TMEM108: variants seen among roughly 807,000 people sequenced by gnomAD.
The protein encoded by TMEM108 is cancer/testis antigen 124.
Under a neutral mutation model 35.1 loss-of-function variants are expected in TMEM108, and 12 were observed. That is an observed-to-expected ratio of 0.34 (90% CI 0.22 to 0.55). TMEM108 has a LOEUF of 0.55. TMEM108 is among the 20% of genes least tolerant of loss of function. The pLI, the probability that TMEM108 is intolerant of heterozygous loss-of-function variation, is 0.89. For synonymous variants in TMEM108, 287 were observed against 308.6 expected, an observed-to-expected ratio of 0.93 and a Z score of 0.73; for missense variants, 680 against 753.3, an observed-to-expected ratio of 0.90 and a Z score of 1.14.
At chr3:133,156,115 CTA>C (rs1379296847) in intron 2 of TMEM108, among the ~76,000 whole-genome samples, 1 of 125,164 alleles carries the variant, frequency 8.0e-6, no homozygotes, top group Non-Finnish European at 1.8e-5. Flanking sequence ...TAAGGTTTTG[CTA>C]TGTTGCCCAG....
chr3:133,107,034 A>G (rs946548825), intron 2 of TMEM108, among the ~76,000 whole-genome samples: 4 of 152,218 alleles, frequency 2.6e-5, no homozygotes, highest in Non-Finnish European at 5.9e-5. Flanking sequence ...ACAGATTGTA[A>G]AAAACTTGCC....
At chr3:133,260,189 C>T (rs553043632) in intron 3 of TMEM108, among the ~76,000 whole-genome samples, 7 of 152,078 alleles carry the variant, frequency 4.6e-5, no homozygotes, top group African/African-American at 1.7e-4. Context: ...ATATTGGATA[C>T]CTACTGTGTG....
At chr3:133,395,195 T>A (rs549915201) in intron 5 of TMEM108, among the ~76,000 whole-genome samples, 41 of 152,332 alleles carry the variant, frequency 2.7e-4, no homozygotes, top group African/African-American at 8.9e-4. Context: ...CAGACTGAAA[T>A]TTTCATCTGT....
At chr3:133,312,522 G>A (rs957345524) in intron 3 of TMEM108, among the ~76,000 whole-genome samples, 1 of 152,252 alleles carries the variant, frequency 6.6e-6, no homozygotes, top group Non-Finnish European at 1.5e-5. Context: ...GGCTCTGTGG[G>A]TGTGGGACCC....
rs1273526036 is a variant in TMEM108 at position 133,358,000 on chromosome 3, G to A, written c.41-21752G>A. The stretch of plus-strand genomic sequence containing the variant: ...GCTATAGTTTCTTCAGATAACTATT[G>A]TACCTGTTGCCCAGTTGTTACATGA... On this transcript the variant is annotated intron_variant, in intron 3 of 5. Transcript: ENST00000321871. Among the ~76,000 whole-genome samples the A allele has an allele frequency of 3.3e-5, 5 of 152,214 alleles. No individual in the cohort carries two copies. In the East Asian group the frequency reaches 9.7e-4, roughly 29 times the overall value.
intron 2 of TMEM108, among the ~76,000 whole-genome samples, chr3:133,186,072 C>A (rs1945417118): frequency 1.3e-5 from 2 of 152,048 alleles, no homozygotes; most frequent in African/African-American, 4.8e-5. Flanking sequence ...CCAGCTGGGG[C>A]CTTGCATTTC....
intron 3 of TMEM108, among the ~76,000 whole-genome samples, chr3:133,371,613 CAAAAAAAAAAAAAAAAA>C (rs3054624): frequency 1.3e-5 from 1 of 78,058 alleles, no homozygotes; most frequent in African/African-American, 5.9e-5. Context: ...CACAAACCCA[CAAAAAAAAAAAAAAAAA>C]AAAAAAAAAC....
At chr3:133,140,552 TG>T (rs1338098312) in intron 2 of TMEM108, among the ~76,000 whole-genome samples, 10 of 152,246 alleles carry the variant, frequency 6.6e-5, no homozygotes, top group Admixed American at 5.2e-4. Context: ...TCAATAAATC[TG>T]GCAAATTTAT....
chr3:133,290,041 G>A (rs1410417979), intron 3 of TMEM108, among the ~76,000 whole-genome samples: 1 of 152,220 alleles, frequency 6.6e-6, no homozygotes, highest in Admixed American at 6.5e-5. Context: ...TCCCTGCCCC[G>A]ATGAGTCTGC....
chr3:133,069,288 G>T (rs1043319877), intron 2 of TMEM108, among the ~76,000 whole-genome samples: 2 of 152,190 alleles, frequency 1.3e-5, no homozygotes, highest in Non-Finnish European at 2.9e-5. Context: ...ACAGGTCTTT[G>T]CTGGGTCACA....
intron 3 of TMEM108, among the ~76,000 whole-genome samples, chr3:133,293,625 G>A (rs1265053074): frequency 6.6e-6 from 1 of 151,928 alleles, no homozygotes; most frequent in African/African-American, 2.4e-5. Flanking sequence ...TTTATTTTTA[G>A]TTCCTTCCTA....
At chr3:133,336,206 A>T (rs1387355159) in intron 3 of TMEM108, among the ~76,000 whole-genome samples, 3 of 152,048 alleles carry the variant, frequency 2.0e-5, no homozygotes, top group Non-Finnish European at 4.4e-5. Flanking sequence ...AAGGCGCATG[A>T]CCTACTGAGA....
chr3:133,375,957 G>A (rs2072824894), intron 3 of TMEM108, among the ~76,000 whole-genome samples: 1 of 152,140 alleles, frequency 6.6e-6, no homozygotes. Flanking sequence ...TGGCACCCAC[G>A]GTGGCAGTAT....
At chr3:133,170,547 A>C (rs2107789767) in intron 2 of TMEM108, among the ~76,000 whole-genome samples, 1 of 152,338 alleles carries the variant, frequency 6.6e-6, no homozygotes, top group African/African-American at 2.4e-5. Flanking sequence ...TGTAGCCAAT[A>C]TTTAGAAACA....
intron 3 of TMEM108, among the ~76,000 whole-genome samples, chr3:133,288,087 C>G (rs999459770): frequency 3.3e-5 from 5 of 152,096 alleles, no homozygotes; most frequent in Non-Finnish European, 7.4e-5. Context: ...TAAAAAAGAG[C>G]ATTTGTTTCT....
intron 2 of TMEM108, among the ~76,000 whole-genome samples, chr3:133,187,575 C>T (rs1945438460): frequency 6.6e-6 from 1 of 152,166 alleles, no homozygotes; most frequent in South Asian, 2.1e-4. Flanking sequence ...CATAGTAAAA[C>T]CCTGTCTCTA....
intron 3 of TMEM108, among the ~76,000 whole-genome samples, chr3:133,237,824 ATTTG>A (rs1371180475): frequency 6.6e-6 from 1 of 152,176 alleles, no homozygotes; most frequent in Admixed American, 6.5e-5. Flanking sequence ...TAAAAATGCT[ATTTG>A]TTAAGAGTAA....
At position 133,297,174 on chromosome 3, in the gene TMEM108, C is replaced by A. The variant is rs542379066; in HGVS notation, c.40+67823C>A. The stretch of plus-strand genomic sequence containing the variant: ...ATTCAGAGTATTTCATTTGTGTCTT[C>A]GCTGTAGTTGCCAGGACAGATGTGT... On this transcript the variant is annotated intron_variant, in intron 3 of 5. Coordinates refer to ENST00000321871, the MANE Select transcript of TMEM108 (RefSeq NM_023943.4). Among the ~76,000 whole-genome samples, 3 of 152,320 alleles carry A rather than the reference C, an allele frequency of 2.0e-5. 1 individual carries two copies. The South Asian group carries it at 6.2e-4, about 32-fold the overall frequency.
At chr3:133,388,943 A>T in intron 4 of TMEM108, 5 of 985,590 alleles carry the variant, frequency 5.1e-6, no homozygotes, top group Non-Finnish European at 6.0e-6. Flanking sequence ...TGGACAGCCC[A>T]GCCTGGGACC....
Sources: allele counts gnomAD v4.1 joint callset (sites outside exome capture counted in the v4.1 genomes callset), GRCh38; gene constraint gnomAD v4.1.1; transcripts MANE v1.5; gene names NCBI Gene and HGNC (gene_info 2026-07-23, HGNC 2026-07-21).